LRP2: variants seen among roughly 807,000 people sequenced by gnomAD.
The protein encoded by LRP2 is low-density lipoprotein receptor-related protein 2.
LRP2 carries 172 observed loss-of-function variants against 531.0 expected under a neutral mutation model. The observed-to-expected ratio is 0.32, with a 90% confidence interval of 0.29 to 0.37. LRP2 has a LOEUF of 0.37. Ranked by LOEUF, LRP2 falls within the 10% of genes least tolerant of loss-of-function variation. LRP2 has a pLI of 1.00. For synonymous variants in LRP2, 1,992 were observed against 2,027.6 expected, an observed-to-expected ratio of 0.98 and a Z score of 0.47; for missense variants, 5,167 against 5,868.3, an observed-to-expected ratio of 0.88 and a Z score of 3.90.
intron 1 of LRP2, among the ~76,000 whole-genome samples, chr2:169,351,122 G>A (rs1685835362): frequency 6.6e-6 from 1 of 152,206 alleles, no homozygotes; most frequent in Non-Finnish European, 1.5e-5. Flanking sequence ...TTTCAAGGAG[G>A]AAGTCAGGAT....
At chr2:169,231,949 C>A in intron 30 of LRP2, 107 bp from the exon 31 acceptor site, 1 of 1,365,706 alleles carries the variant, frequency 7.3e-7, no homozygotes, top group Non-Finnish European at 1.0e-6. Flanking sequence ...TACAGGGGGG[C>A]TTAAGTACGT....
chr2:169,350,242 T>C (rs1019367502), intron 1 of LRP2, among the ~76,000 whole-genome samples: 5 of 152,198 alleles, frequency 3.3e-5, no homozygotes, highest in African/African-American at 1.2e-4. Flanking sequence ...AAAGCAAGTT[T>C]GGACATTAGT....
At chr2:169,148,783 C>T (rs1192135283) in intron 68 of LRP2, among the ~76,000 whole-genome samples, 1 of 152,172 alleles carries the variant, frequency 6.6e-6, no homozygotes, top group African/African-American at 2.4e-5. Context: ...ATGCTATTGC[C>T]TGAGCTTCTG....
chr2:169,162,128 T>G (rs3821124), intron 63 of LRP2, among the ~76,000 whole-genome samples: 76,160 of 152,112 alleles, frequency 0.5, 19,630 homozygotes, highest in Admixed American at 0.61. Context: ...GGAAGAGGAC[T>G]TGCTCTGCAG....
chr2:169,247,907 G>T (rs952949590), intron 19 of LRP2, among the ~76,000 whole-genome samples: 1 of 152,146 alleles, frequency 6.6e-6, no homozygotes. Context: ...CAAATACTAC[G>T]CTGTGTGAAG....
At chr2:169,354,976 T>C (rs961609370) in intron 1 of LRP2, among the ~76,000 whole-genome samples, 1 of 152,162 alleles carries the variant, frequency 6.6e-6, no homozygotes, top group Non-Finnish European at 1.5e-5. Context: ...AACATAAACA[T>C]TGGAGTGAAG....
chr2:169,247,005 G>T lies in LRP2; in HGVS notation c.2909-19C>A, dbSNP rs144286272. 1 of 1,613,180 alleles carries T rather than the reference G, an allele frequency of 6.2e-7. No homozygotes were observed. Among genetic ancestry groups the T allele is most frequent in the South Asian group, 1.1e-5 (1 of 91,010 alleles). ...TTAGAACCTGCAAAAGCAAAGCCCCGAGGGAGTCAGTCATGTACATTTTCA... is the reference window on the plus strand; with the variant it reads ...TTAGAACCTGCAAAAGCAAAGCCCCTAGGGAGTCAGTCATGTACATTTTCA... On this transcript the variant is annotated intron_variant, in intron 20 of 78. Transcript: ENST00000649046.
At chr2:169,183,164 G>A (rs994128696) in intron 50 of LRP2, among the ~76,000 whole-genome samples, 4 of 152,214 alleles carry the variant, frequency 2.6e-5, no homozygotes, top group African/African-American at 9.6e-5. Flanking sequence ...GAAGGAGAAT[G>A]AAGGAGAATG....
intron 19 of LRP2, among the ~76,000 whole-genome samples, chr2:169,249,854 G>C (rs1690148746): frequency 1.8e-5 from 1 of 55,672 alleles, no homozygotes; most frequent in Non-Finnish European, 3.1e-5. Flanking sequence ...AGAAGCCTCA[G>C]GAGCCGATGT....
At chr2:169,200,143 C>T (rs369378600) in intron 44 of LRP2, among the ~76,000 whole-genome samples, 6 of 152,004 alleles carry the variant, frequency 3.9e-5, no homozygotes, top group East Asian at 1.9e-4. Flanking sequence ...CCCAGCTACC[C>T]GGGAGGCTGA....
intron 1 of LRP2, among the ~76,000 whole-genome samples, chr2:169,344,013 A>C (rs1418012327): frequency 6.6e-6 from 1 of 152,250 alleles, no homozygotes; most frequent in Non-Finnish European, 1.5e-5. Context: ...AAGAAACCAT[A>C]AATAAACCTA....
In LRP2 at chr2:169,134,194, C is replaced by T. The variant is rs566758645; in HGVS notation, c.13621-1513G>A. The stretch of plus-strand genomic sequence containing the variant: ...GCCTAGCCCTCATGTCTGCGTGCAG[C>T]GGCTGCCACTGCTTTAATACTTTTA... On this transcript the variant is annotated intron_variant, in intron 76 of 78. Transcript: ENST00000649046. Among the ~76,000 whole-genome samples the T allele has an allele frequency of 2.9e-3, 385 of 131,044 alleles. 2 individuals are homozygous for T. The highest frequency in any genetic ancestry group is 9.0e-3 in the African/African-American group (366 of 40,738). 86.0% of individuals were successfully genotyped at this position (131,044 alleles called of 152,430 possible).
chr2:169,355,572 G>A (rs1345836442), intron 1 of LRP2, among the ~76,000 whole-genome samples: 1 of 152,172 alleles, frequency 6.6e-6, no homozygotes, highest in Admixed American at 6.5e-5. Flanking sequence ...TATGACCTAA[G>A]TAGAGACCCT....
Position 169,267,117 on chromosome 2 carries a change from C to T in LRP2, c.2320+3787G>A, listed in dbSNP as rs768726882. On this transcript the variant is annotated intron_variant, in intron 16 of 78. Transcript: ENST00000649046. ...GTTGCTCAGGCTGGTCTCAAACTCC[C>T]GGCCTCAAGCAATCCTCCCGTCTCG... Among the ~76,000 whole-genome samples the T allele has an allele frequency of 3.3e-5, 5 of 151,466 alleles. No individual in the cohort carries two copies. In the East Asian group the frequency reaches 5.8e-4, roughly 18 times the overall value.
At chr2:169,338,283 GAAA>G (rs1685461493) in intron 1 of LRP2, among the ~76,000 whole-genome samples, 4 of 126,948 alleles carry the variant, frequency 3.2e-5, no homozygotes, top group African/African-American at 1.3e-4. Context: ...GAGAAAGAAA[GAAA>G]GAAAAAAGGA....
rs35301449 is a variant in LRP2, at chr2:169,350,723, C to CAAAAA, written c.79+11593_79+11597dup. On this transcript the variant is annotated intron_variant, in intron 1 of 78. Coordinates refer to ENST00000649046, the MANE Select transcript of LRP2 (RefSeq NM_004525.3). Reference sequence around the variant, plus strand: ...TGGGTGACAGAGCGAGACTCCATCGCAAAAAAAAAAAAAAAAAAAAAAAGT... The same window carrying CAAAAA: ...TGGGTGACAGAGCGAGACTCCATCGCAAAAAAAAAAAAAAAAAAAAAAAAAAAAGT... Among the ~76,000 whole-genome samples, 82 of 68,194 alleles carry CAAAAA rather than the reference C, an allele frequency of 1.2e-3. 1 individual carries two copies. Among genetic ancestry groups the CAAAAA allele is most frequent in the Admixed American group, 1.6e-3 (7 of 4,398 alleles). The allele number at this position is 68,194 out of a possible 152,430, so 44.7% of individuals were successfully genotyped here.
intron 6 of LRP2, among the ~76,000 whole-genome samples, chr2:169,293,172 C>A (rs1271027636): frequency 2.0e-5 from 3 of 152,198 alleles, no homozygotes; most frequent in Non-Finnish European, 2.9e-5. Context: ...GGAAATCATA[C>A]ATTCTAGTAA....
intron 1 of LRP2, among the ~76,000 whole-genome samples, chr2:169,360,094 C>A (rs1686104549): frequency 7.2e-6 from 1 of 139,330 alleles, no homozygotes; most frequent in Non-Finnish European, 1.5e-5. Flanking sequence ...CACTGCACTC[C>A]AGCCTGGGTG....
intron 67 of LRP2, 63 bp from the exon 68 acceptor site, chr2:169,151,089 G>C (rs1353154326): frequency 1.3e-6 from 2 of 1,573,536 alleles, no homozygotes; most frequent in Non-Finnish European, 8.7e-7. Flanking sequence ...CTGGGTAAGA[G>C]GTTTGAAGAT....
Sources: gnomAD v4.1 joint callset for allele counts (sites outside exome capture counted in the v4.1 genomes callset) on GRCh38, gnomAD v4.1.1 for gene constraint, MANE v1.5 for transcripts, NCBI Gene and HGNC (gene_info 2026-07-23, HGNC 2026-07-21) for gene names.